The following DNAAF9 variants were observed in gnomAD, a reference collection of about 807,000 sequenced individuals.
DNAAF9 encodes the protein shulin.
A neutral mutation model predicts 167.0 loss-of-function variants in DNAAF9; 90 were observed. The ratio of observed to expected loss-of-function variants is 0.54; its 90% CI spans 0.45 to 0.64. DNAAF9 has a LOEUF of 0.64. DNAAF9 is among the 30% of genes least tolerant of loss of function. The probability of loss-of-function intolerance (pLI) is 0.00; values close to 1 mark genes in which losing one functional copy is unlikely to be tolerated. For missense variants in DNAAF9, 1,315 were observed against 1,442.2 expected, an observed-to-expected ratio of 0.91 and a Z score of 1.43; for synonymous variants, 491 against 508.8, an observed-to-expected ratio of 0.96 and a Z score of 0.47.
chr20:3,322,658 T>G lies in DNAAF9; in HGVS notation c.1304A>C (p.Gln435Pro). 4 of 1,612,372 alleles carry G rather than the reference T, an allele frequency of 2.5e-6. No homozygotes were observed. The highest frequency in any genetic ancestry group is 2.2e-5 in the East Asian group (1 of 44,870). ...MTFHIHAVNN[Q>P]GRIVPLDSED... is the part of the protein sequence containing the mutation. ...ACCACAATCATATACGCACCTTCCC[T>G]GATTATTCACAGCATGTATATGAAA... Residue 435 changes from glutamine (Q) to proline (P), a missense_variant, in exon 15 of 37, where the codon CAG becomes CCG. By Grantham distance (76) the Gln-to-Pro change is moderately conservative. This residue lies in a region of DNAAF9 where 981 missense variants were observed against 1,012.5 expected (regional missense o/e 0.97). Coordinates refer to ENST00000252032, the MANE Select transcript of DNAAF9 (RefSeq NM_001009984.3).
intron 1 of DNAAF9, among the ~76,000 whole-genome samples, chr20:3,383,901 C>T (rs373874704): frequency 8.4e-4 from 128 of 151,526 alleles, no homozygotes; most frequent in African/African-American, 2.7e-3. Context: ...TGGGTCCAAG[C>T]GACTCTCATG....
intron 20 of DNAAF9, among the ~76,000 whole-genome samples, chr20:3,307,401 G>T (rs531931604): frequency 6.6e-6 from 1 of 152,258 alleles, no homozygotes; most frequent in East Asian, 1.9e-4. Flanking sequence ...TAAGTGAAGT[G>T]ACTTACTGGG....
intron 28 of DNAAF9, among the ~76,000 whole-genome samples, 161 bp from the exon 29 acceptor site, chr20:3,279,110 A>T (rs1466293450): frequency 2.0e-5 from 3 of 152,146 alleles, no homozygotes; most frequent in African/African-American, 7.2e-5. Flanking sequence ...GGGACTTTAC[A>T]GCTTTCCGTC....
chr20:3,293,510 C>T (rs1017960230), intron 25 of DNAAF9, among the ~76,000 whole-genome samples: 33 of 150,808 alleles, frequency 2.2e-4, no homozygotes, highest in Admixed American at 2.6e-4. Flanking sequence ...CATGGTGAAA[C>T]CCTGTCTCTA....
chr20:3,341,117 T>C (rs75067825), intron 9 of DNAAF9, among the ~76,000 whole-genome samples: 145 of 152,186 alleles, frequency 9.5e-4, no homozygotes, highest in African/African-American at 3.3e-3. Context: ...CACACATACC[T>C]GGCTCTGTAC....
intron 1 of DNAAF9, among the ~76,000 whole-genome samples, chr20:3,401,860 G>A (rs962371012): frequency 1.4e-4 from 2 of 14,592 alleles, no homozygotes; most frequent in Non-Finnish European, 2.4e-4. Flanking sequence ...GGTGACCGTG[G>A]GGAGGGCTCC....
intron 12 of DNAAF9, among the ~76,000 whole-genome samples, chr20:3,329,054 G>C (rs1016882581): frequency 6.6e-6 from 1 of 152,014 alleles, no homozygotes; most frequent in African/African-American, 2.4e-5. Flanking sequence ...ATTTTTAGTA[G>C]AGACGGGGTT....
At position 3,315,094 on chromosome 20, in the gene DNAAF9, A is replaced by G. The variant is rs149300380; in HGVS notation, c.1617T>C (p.Tyr539=). 741 of 1,610,394 alleles carry G rather than the reference A, an allele frequency of 4.6e-4. 2 individuals carry two copies. In the African/African-American group the frequency reaches 8.0e-3, roughly 17 times the overall value. Residue 539 remains tyrosine (Y), a synonymous_variant, in exon 20 of 37, where the codon TAT becomes TAC. Transcript: ENST00000252032. The surrounding 1 kb of genome is among the most constrained non-coding windows in gnomAD (Gnocchi z 4.1). ...GATATGCTCCTTCTCCTCCTGTTAG[A>G]TAAGTGCCCAGGAAAGACTCATCCC... ...VRGDESFLGT[Y]LTGGEGAYLY... is the part of the protein sequence containing the mutation.
chr20:3,310,763 A>T (rs1226512736), intron 20 of DNAAF9, among the ~76,000 whole-genome samples: 3 of 152,146 alleles, frequency 2.0e-5, no homozygotes, highest in Admixed American at 1.3e-4. Context: ...AAGAACAAGC[A>T]TTTAACAGAA....
At chr20:3,362,264 G>A in intron 6 of DNAAF9, 1 of 1,324,980 alleles carries the variant, frequency 7.5e-7, no homozygotes, top group Non-Finnish European at 1.1e-6. Flanking sequence ...CTTTCTTCGA[G>A]TTCTTCCAAC....
Position 3,259,918 on chromosome 20 carries a change from T to A in DNAAF9, c.2980+4A>T, listed in dbSNP as rs749005305. 4 of 1,565,888 alleles carry A rather than the reference T, an allele frequency of 2.6e-6. No homozygotes were observed. Among genetic ancestry groups the A allele is most frequent in the Non-Finnish European group, 3.5e-6 (4 of 1,136,014 alleles). On this transcript the variant is annotated splice_donor_region_variant and intron_variant, in intron 32 of 36. Transcript: ENST00000252032. ...GTGTCTAGGACATCTCAGTCAAGGC[T>A]TACCTTTACATTTGGCCACAAAGCG...
intron 34 of DNAAF9, 60 bp downstream of exon 34, chr20:3,255,946 C>A: frequency 7.5e-7 from 1 of 1,325,944 alleles, no homozygotes; most frequent in South Asian, 1.3e-5. Flanking sequence ...TCAGGGCCAA[C>A]AGCAGCTCTG....
chr20:3,321,180 T>C (rs887784633), intron 16 of DNAAF9, among the ~76,000 whole-genome samples: 3 of 152,156 alleles, frequency 2.0e-5, no homozygotes, highest in Admixed American at 6.5e-5. Context: ...CCCTGTTGAT[T>C]ATTGGCCATT....
At position 3,374,173 on chromosome 20, in the gene DNAAF9, A is replaced by G. The variant is rs2083545971; in HGVS notation, c.506-19T>C. Reference sequence around the variant, plus strand: ...AAGTGACCTAGAAGAATCAAATACAACAACACATATCAGATACCATCCTGA... The same window carrying G: ...AAGTGACCTAGAAGAATCAAATACAGCAACACATATCAGATACCATCCTGA... On this transcript the variant is annotated intron_variant, in intron 5 of 36. Coordinates refer to ENST00000252032, the MANE Select transcript of DNAAF9 (RefSeq NM_001009984.3). 1 of 1,482,848 alleles carries G rather than the reference A, an allele frequency of 6.7e-7. No homozygotes were observed. Among genetic ancestry groups the G allele is most frequent in the African/African-American group, 1.4e-5 (1 of 72,394 alleles). 91.9% of individuals were successfully genotyped at this position (1,482,848 alleles called of 1,614,324 possible). A position where few individuals can be genotyped will look rare whatever the true frequency, so the allele number is the denominator to read the frequency against.
Position 3,252,450 on chromosome 20 carries a change from C to A in DNAAF9, c.*122G>T. On this transcript the variant is annotated 3_prime_UTR_variant, in exon 37 of 37. Coordinates refer to ENST00000252032, the MANE Select transcript of DNAAF9 (RefSeq NM_001009984.3). ...CAACATGCACTCAAGCCAGCCCACA[C>A]AGGCCAAGGAGAACAAAGACAGCCC... 1.5e-6 allele frequency: 1 copy of A among 669,668 alleles called. No homozygotes were observed. The highest frequency in any genetic ancestry group is 2.7e-6 in the Non-Finnish European group (1 of 367,574). The allele number at this position is 669,668 out of a possible 1,614,324, so 41.5% of individuals were successfully genotyped here.
intron 36 of DNAAF9, 61 bp from the exon 37 acceptor site, chr20:3,252,745 C>G: frequency 9.8e-7 from 1 of 1,017,180 alleles, no homozygotes; most frequent in Non-Finnish European, 1.6e-6. Flanking sequence ...TGCCTGAGCC[C>G]AGAGCGGCCT....
intron 23 of DNAAF9, chr20:3,296,163 C>T: frequency 1.7e-6 from 1 of 598,386 alleles, no homozygotes; most frequent in Admixed American, 1.9e-5. Context: ...TCTGTAGTCC[C>T]ACCTGCTAAG....
chr20:3,267,009 T>C (rs901426187), intron 30 of DNAAF9, among the ~76,000 whole-genome samples: 8 of 152,044 alleles, frequency 5.3e-5, no homozygotes, highest in African/African-American at 1.9e-4. Flanking sequence ...TGCACTACCA[T>C]GCCCGGCTAA....
At chr20:3,294,757 A>C in intron 23 of DNAAF9, 128 bp from the exon 24 acceptor site, 1 of 628,302 alleles carries the variant, frequency 1.6e-6, no homozygotes, top group South Asian at 2.0e-5. Context: ...CACACATCTC[A>C]GACTTAAACA....
Sources: gnomAD v4.1 joint callset for allele counts (sites outside exome capture counted in the v4.1 genomes callset) on GRCh38, gnomAD v4.1.1 for gene constraint, gnomAD v4.1.1 regional missense constraint, Gnocchi (gnomAD v3.1) non-coding constraint, MANE v1.5 for transcripts, NCBI Gene and HGNC (gene_info 2026-07-23, HGNC 2026-07-21) for gene names.